The following PRKAG2 variants were observed in gnomAD, a reference collection of about 807,000 sequenced individuals.
PRKAG2 encodes protein kinase AMP-activated non-catalytic subunit gamma 2.
PRKAG2 carries 26 observed loss-of-function variants against 69.6 expected under a neutral mutation model. The ratio of observed to expected loss-of-function variants is 0.37; its 90% CI spans 0.27 to 0.52. The LOEUF is 0.52. Among genes scored for constraint, PRKAG2 ranks in the 20% least tolerant of loss-of-function variants. The probability of loss-of-function intolerance (pLI) is 0.90; values close to 1 mark genes in which losing one functional copy is unlikely to be tolerated. For missense variants in PRKAG2, 557 were observed against 740.0 expected, an observed-to-expected ratio of 0.75 and a Z score of 2.87; for synonymous variants, 293 against 285.0, an observed-to-expected ratio of 1.03 and a Z score of -0.28.
intron 14 of PRKAG2, among the ~76,000 whole-genome samples, chr7:151,563,811 T>C (rs1260959988): frequency 6.6e-6 from 1 of 152,226 alleles, no homozygotes; most frequent in Non-Finnish European, 1.5e-5. Flanking sequence ...ACATATATAG[T>C]TTAAACTATG....
chr7:151,739,787 C>A (rs1022768507), intron 3 of PRKAG2, among the ~76,000 whole-genome samples: 8 of 152,088 alleles, frequency 5.3e-5, no homozygotes, highest in Non-Finnish European at 5.9e-5. Context: ...TTCTAACCTA[C>A]CTGCTTTCGC....
intron 5 of PRKAG2, among the ~76,000 whole-genome samples, chr7:151,627,216 C>A (rs1465521344): frequency 1.3e-5 from 2 of 152,146 alleles, no homozygotes; most frequent in Non-Finnish European, 2.9e-5. Context: ...CAGATCTGGG[C>A]CTGAATCCCG....
At chr7:151,628,719 A>AAAAAAAAGAAAAACCAG (rs371336340) in intron 5 of PRKAG2, among the ~76,000 whole-genome samples, 1,850 of 151,638 alleles carry the variant, frequency 0.012, 28 homozygotes, top group African/African-American at 0.043. Context: ...GGGAGGGAAA[A>AAAAAAAAGAAAAACCAG]ATTGCTATGG....
intron 3 of PRKAG2, among the ~76,000 whole-genome samples, chr7:151,685,878 A>AT (rs1367128435): frequency 1.3e-5 from 2 of 152,132 alleles, no homozygotes; most frequent in African/African-American, 4.8e-5. Context: ...AGCAATCTAT[A>AT]TTTTTTAAAA....
chr7:151,617,596 ATTG>A (rs1820489161), intron 5 of PRKAG2, among the ~76,000 whole-genome samples: 2 of 152,316 alleles, frequency 1.3e-5, no homozygotes, highest in Admixed American at 6.5e-5. Flanking sequence ...TACTTTTATT[ATTG>A]TTGTTAATAG....
At chr7:151,793,062 C>G (rs1025595365) in intron 1 of PRKAG2, among the ~76,000 whole-genome samples, 1 of 152,056 alleles carries the variant, frequency 6.6e-6, no homozygotes, top group Non-Finnish European at 1.5e-5. Context: ...TGTGAAGATG[C>G]CTTGTAGCTC....
intron 3 of PRKAG2, among the ~76,000 whole-genome samples, chr7:151,779,581 C>T (rs369983643): frequency 2.7e-4 from 41 of 152,224 alleles, no homozygotes; most frequent in Non-Finnish European, 5.7e-4. Flanking sequence ...TGCTGCTCTC[C>T]GCCCCGCTCA....
intron 3 of PRKAG2, among the ~76,000 whole-genome samples, chr7:151,706,065 TG>T (rs946299430): frequency 6.6e-6 from 1 of 152,160 alleles, no homozygotes; most frequent in African/African-American, 2.4e-5. Context: ...CAAAGCATGT[TG>T]AAAATGCTTC....
intron 3 of PRKAG2, among the ~76,000 whole-genome samples, chr7:151,778,269 A>G (rs1408094947): frequency 6.6e-6 from 1 of 152,090 alleles, no homozygotes; most frequent in Non-Finnish European, 1.5e-5. Context: ...TCCATCTCCC[A>G]TGTGGCTGGC....
At chr7:151,767,582 T>C (rs939657491) in intron 3 of PRKAG2, among the ~76,000 whole-genome samples, 4 of 152,240 alleles carry the variant, frequency 2.6e-5, no homozygotes, top group South Asian at 2.1e-4. Context: ...TGAGCCACCA[T>C]GCCCAGCCAA....
At chr7:151,749,454 C>T (rs963606974) in intron 3 of PRKAG2, among the ~76,000 whole-genome samples, 2 of 152,094 alleles carry the variant, frequency 1.3e-5, no homozygotes, top group African/African-American at 2.4e-5. Flanking sequence ...ATGAAGGTGA[C>T]GTTGGTCATC....
At chr7:151,847,826 G>A (rs1428296802) in intron 1 of PRKAG2, among the ~76,000 whole-genome samples, 1 of 152,246 alleles carries the variant, frequency 6.6e-6, no homozygotes, top group African/African-American at 2.4e-5. Flanking sequence ...GCGCCCGGAA[G>A]CATCCGTTTA....
intron 1 of PRKAG2, among the ~76,000 whole-genome samples, chr7:151,824,058 T>G (rs1047709085): frequency 2.0e-5 from 3 of 152,152 alleles, no homozygotes; most frequent in African/African-American, 7.2e-5. Context: ...CCAAGGAACC[T>G]CTGAGAAGGG....
chr7:151,656,090 C>T (rs1184726083), intron 4 of PRKAG2, among the ~76,000 whole-genome samples: 1 of 152,122 alleles, frequency 6.6e-6, no homozygotes, highest in Non-Finnish European at 1.5e-5. Flanking sequence ...CTGAGTAGCA[C>T]TATATTGTGC....
At chr7:151,776,622 C>T (rs759880197) in intron 3 of PRKAG2, among the ~76,000 whole-genome samples, 21 of 152,220 alleles carry the variant, frequency 1.4e-4, no homozygotes, top group East Asian at 1.9e-4. Context: ...CCGCTCCCTT[C>T]GCAGCTGTCT....
chr7:151,711,185 G>GGATC (rs1795243614), intron 3 of PRKAG2, among the ~76,000 whole-genome samples: 1 of 151,986 alleles, frequency 6.6e-6, no homozygotes, highest in South Asian at 2.1e-4. Flanking sequence ...TAGGCTTAGA[G>GGATC]AACTGAGGGT....
intron 6 of PRKAG2, among the ~76,000 whole-genome samples, chr7:151,592,797 G>A (rs1159338360): frequency 6.6e-6 from 1 of 152,248 alleles, no homozygotes; most frequent in Non-Finnish European, 1.5e-5. Flanking sequence ...TTGGGTACGC[G>A]GCTATTTTGT....
intron 1 of PRKAG2, among the ~76,000 whole-genome samples, chr7:151,802,013 C>A (rs773741129): frequency 2.6e-5 from 4 of 152,160 alleles, no homozygotes; most frequent in African/African-American, 7.2e-5. Context: ...GCAGCCCAAG[C>A]CTCTCTGCAG....
chr7:151,861,646 G>A lies in PRKAG2; in HGVS notation c.114+14861C>T, dbSNP rs144289755. The stretch of plus-strand genomic sequence containing the variant: ...TGGCCACAGCTACATTCTTAGGGTC[G>A]GTCCTCCCATGGGCGGCTTGTTAGG... On this transcript the variant is annotated intron_variant, in intron 1 of 15. Coordinates refer to ENST00000287878, the MANE Select transcript of PRKAG2 (RefSeq NM_016203.4). 1.4e-3 allele frequency among the ~76,000 whole-genome samples: 219 copies of A among 152,116 alleles called. 1 individual carries two copies. The highest frequency in any genetic ancestry group is 1.4e-3 in the Non-Finnish European group (97 of 68,004).
Sources: allele counts gnomAD v4.1 joint callset (sites outside exome capture counted in the v4.1 genomes callset), GRCh38; gene constraint gnomAD v4.1.1; transcripts MANE v1.5; gene names NCBI Gene and HGNC (gene_info 2026-07-23, HGNC 2026-07-21).